PARN: variants seen among roughly 807,000 people sequenced by gnomAD.
The protein encoded by PARN is poly(A)-specific ribonuclease PARN.
In PARN, 71 loss-of-function variants were observed where a neutral mutation model predicts 102.8. That is an observed-to-expected ratio of 0.69 (90% CI 0.57 to 0.84). PARN has a LOEUF of 0.84. Among genes scored for constraint, PARN ranks in the 40% least tolerant of loss-of-function variants. The probability of loss-of-function intolerance (pLI) is 0.00; values close to 1 mark genes in which losing one functional copy is unlikely to be tolerated. For missense variants in PARN, 782 were observed against 760.9 expected (o/e 1.03, Z -0.33); for synonymous variants, 261 against 252.9 (o/e 1.03, Z -0.30).
chr16:14,482,060 C>T (rs966508922), intron 22 of PARN, among the ~76,000 whole-genome samples: 1 of 152,058 alleles, frequency 6.6e-6, no homozygotes, highest in African/African-American at 2.4e-5. Flanking sequence ...AACTGGTGAA[C>T]AAGACACAAA....
chr16:14,479,137 G>A (rs548202766), intron 22 of PARN, among the ~76,000 whole-genome samples: 87 of 152,240 alleles, frequency 5.7e-4, no homozygotes, highest in Middle Eastern at 3.4e-3. Context: ...AACAATTCCA[G>A]GCCAGGCCTG....
At position 14,609,055 on chromosome 16, in the gene PARN, A is replaced by T; in HGVS notation, c.620+3T>A. ...ACATGCAGAAATGTTCAGGACAACT[A>T]ACCCGGTACATGGCTCTAAATCCAA... On this transcript the variant is annotated splice_donor_region_variant and intron_variant, in intron 8 of 23. Transcript: ENST00000437198. 6.4e-7 allele frequency: 1 copy of T among 1,556,780 alleles called. No individual in the cohort carries two copies.
At chr16:14,609,504 G>A (rs1971390019) in intron 7 of PARN, among the ~76,000 whole-genome samples, 1 of 152,174 alleles carries the variant, frequency 6.6e-6, no homozygotes, top group Non-Finnish European at 1.5e-5. Flanking sequence ...CCAGGAAGTT[G>A]AGGCTGCAGT....
chr16:14,629,746 C>A, intron 1 of PARN, 72 bp from the exon 2 acceptor site: 3 of 1,135,412 alleles, frequency 2.6e-6, no homozygotes, highest in Non-Finnish European at 2.7e-6. Flanking sequence ...GAAGGAGGGC[C>A]GAGGAGCTCC....
In PARN at chr16:14,627,098, C is replaced by T. The variant is rs771248961; in HGVS notation, c.327+8G>A. ...TCAGAAAAGAAAAATCTCAATTATGCTACTTACCTGACAAACAAATTTGAC... is the reference window on the plus strand; with the variant it reads ...TCAGAAAAGAAAAATCTCAATTATGTTACTTACCTGACAAACAAATTTGAC... On this transcript the variant is annotated splice_region_variant and intron_variant, in intron 5 of 23. Coordinates refer to ENST00000437198, the MANE Select transcript of PARN (RefSeq NM_002582.4). The T allele has an allele frequency of 6.6e-7, 1 of 1,522,550 alleles. No homozygotes were observed. The highest frequency in any genetic ancestry group is 9.1e-7 in the Non-Finnish European group (1 of 1,100,412). The allele number at this position is 1,522,550 out of a possible 1,614,324, so 94.3% of individuals were successfully genotyped here. A position where few individuals can be genotyped will look rare whatever the true frequency, so the allele number is the denominator to read the frequency against.
At chr16:14,440,062 C>G (rs1960880921) in intron 23 of PARN, among the ~76,000 whole-genome samples, 1 of 151,788 alleles carries the variant, frequency 6.6e-6, no homozygotes, top group African/African-American at 2.4e-5. Flanking sequence ...CCAACAACAA[C>G]AAAATGAAAA....
intron 21 of PARN, among the ~76,000 whole-genome samples, chr16:14,530,898 G>A (rs935216165): frequency 6.6e-6 from 1 of 152,192 alleles, no homozygotes; most frequent in Non-Finnish European, 1.5e-5. Context: ...GGGTGGGACA[G>A]ACTGACATTG....
intron 20 of PARN, among the ~76,000 whole-genome samples, chr16:14,552,671 G>A (rs919925712): frequency 2.0e-5 from 3 of 152,096 alleles, no homozygotes; most frequent in African/African-American, 4.8e-5. Flanking sequence ...GTTAGAGGCC[G>A]GGCGCGGTGG....
chr16:14,482,946 C>T, intron 21 of PARN, 119 bp from the exon 22 acceptor site: 3 of 715,872 alleles, frequency 4.2e-6, no homozygotes, highest in Non-Finnish European at 6.5e-6. Flanking sequence ...TGAGGTCTGA[C>T]CCTTGGCTCT....
chr16:14,577,819 C>G (rs541426023), intron 18 of PARN, among the ~76,000 whole-genome samples: 329 of 152,110 alleles, frequency 2.2e-3, no homozygotes, highest in African/African-American at 7.6e-3. Flanking sequence ...AGGCACCCAT[C>G]AACACGCTCA....
chr16:14,544,761 T>C (rs1488965488), intron 21 of PARN, among the ~76,000 whole-genome samples: 1 of 152,048 alleles, frequency 6.6e-6, no homozygotes, highest in Non-Finnish European at 1.5e-5. Context: ...ATGCCCCTAA[T>C]AATACAGCCA....
chr16:14,500,036 G>C (rs971331962), intron 21 of PARN, among the ~76,000 whole-genome samples: 1 of 152,144 alleles, frequency 6.6e-6, no homozygotes, highest in Non-Finnish European at 1.5e-5. Context: ...GGTATACAGA[G>C]AGAAGAACAC....
At chr16:14,443,666 T>A (rs775687340) in intron 23 of PARN, among the ~76,000 whole-genome samples, 14 of 152,234 alleles carry the variant, frequency 9.2e-5, no homozygotes, top group Non-Finnish European at 1.6e-4. Context: ...ATTTGTTTTG[T>A]GTGGTATTTG....
intron 21 of PARN, among the ~76,000 whole-genome samples, chr16:14,513,005 A>C (rs768754977): frequency 3.3e-5 from 5 of 152,030 alleles, no homozygotes; most frequent in Non-Finnish European, 5.9e-5. Flanking sequence ...CACTGTTGCA[A>C]CCTTTACCTC....
intron 13 of PARN, 36 bp from the exon 14 acceptor site, chr16:14,586,397 TA>T: frequency 7.8e-7 from 1 of 1,284,064 alleles, no homozygotes; most frequent in Non-Finnish European, 1.1e-6. Flanking sequence ...ACAATTTTCC[TA>T]ATACACTCGC....
chr16:14,625,369 T>G (rs1294803180), intron 5 of PARN, among the ~76,000 whole-genome samples: 1 of 152,072 alleles, frequency 6.6e-6, no homozygotes, highest in Non-Finnish European at 1.5e-5. Flanking sequence ...TCTTGGTGCA[T>G]GCCTGTAATC....
chr16:14,579,732 T>C (rs1969385572), intron 18 of PARN, among the ~76,000 whole-genome samples: 2 of 152,168 alleles, frequency 1.3e-5, no homozygotes, highest in South Asian at 2.1e-4. Context: ...CCCAGCACTT[T>C]GGGAGGCTGA....
chr16:14,602,235 T>A (rs1452871033), intron 11 of PARN: 1 of 152,190 alleles, frequency 6.6e-6, no homozygotes, highest in African/African-American at 2.4e-5. Flanking sequence ...TGCCCCTTTT[T>A]CTCTCCTCCC....
At chr16:14,444,977 A>G (rs1167284734) in intron 23 of PARN, among the ~76,000 whole-genome samples, 1 of 146,468 alleles carries the variant, frequency 6.8e-6, no homozygotes, top group Non-Finnish European at 1.5e-5. Flanking sequence ...TGCAGCTAAT[A>G]TTTAAATTTT....
Sources: gnomAD v4.1 joint callset for allele counts (sites outside exome capture counted in the v4.1 genomes callset) on GRCh38, gnomAD v4.1.1 for gene constraint, MANE v1.5 for transcripts, NCBI Gene and HGNC (gene_info 2026-07-23, HGNC 2026-07-21) for gene names.